ADAMTS14: variants seen among roughly 807,000 people sequenced by gnomAD.
The protein encoded by ADAMTS14 is A disintegrin and metalloproteinase with thrombospondin motifs 14.
Under a neutral mutation model 128.6 loss-of-function variants are expected in ADAMTS14, and 100 were observed. The ratio of observed to expected loss-of-function variants is 0.78; its 90% CI spans 0.66 to 0.92. The LOEUF (loss-of-function observed/expected upper bound fraction) is 0.92. Among genes scored for constraint, ADAMTS14 ranks in the 40% least tolerant of loss-of-function variants. ADAMTS14 has a pLI of 0.00. For synonymous variants in ADAMTS14, 665 were observed against 653.8 expected (o/e 1.02, Z -0.26); for missense variants, 1,562 against 1,658.6 (o/e 0.94, Z 1.01).
At chr10:70,692,285 G>A (rs1249738032) in intron 2 of ADAMTS14, among the ~76,000 whole-genome samples, 4 of 152,166 alleles carry the variant, frequency 2.6e-5, no homozygotes, top group Non-Finnish European at 5.9e-5. Flanking sequence ...GGAAGTAAAG[G>A]AAAAGACCAC....
chr10:70,725,161 C>T (rs1841387353), intron 4 of ADAMTS14, among the ~76,000 whole-genome samples: 1 of 151,986 alleles, frequency 6.6e-6, no homozygotes, highest in South Asian at 2.1e-4. Context: ...CGGAGGTGTG[C>T]TTACAGGGAA....
chr10:70,676,027 C>T (rs1168750940), intron 2 of ADAMTS14, among the ~76,000 whole-genome samples: 3 of 152,128 alleles, frequency 2.0e-5, no homozygotes, highest in African/African-American at 4.8e-5. Flanking sequence ...CTGCTGATTT[C>T]GTGGCTGCCT....
intron 4 of ADAMTS14, among the ~76,000 whole-genome samples, chr10:70,727,373 A>G (rs966112457): frequency 2.0e-5 from 3 of 152,184 alleles, no homozygotes; most frequent in Admixed American, 2.0e-4. Flanking sequence ...TAGGTTGATC[A>G]CTTTGCTTTT....
At chr10:70,753,731 G>A (rs1842407692) in intron 18 of ADAMTS14, 69 bp from the exon 19 acceptor site, 2 of 1,438,836 alleles carry the variant, frequency 1.4e-6, no homozygotes, top group Admixed American at 2.4e-5. Context: ...GCTGTCTGGG[G>A]ATAGAAAGTG....
chr10:70,678,481 G>C (rs1368977492), intron 2 of ADAMTS14, among the ~76,000 whole-genome samples: 1 of 152,100 alleles, frequency 6.6e-6, no homozygotes, highest in African/African-American at 2.4e-5. Flanking sequence ...CTGGGGTCAG[G>C]GGGTGGGGAG....
At chr10:70,718,755 C>T (rs1342051752) in intron 4 of ADAMTS14, among the ~76,000 whole-genome samples, 1 of 151,664 alleles carries the variant, frequency 6.6e-6, no homozygotes, top group Non-Finnish European at 1.5e-5. Flanking sequence ...AATCATGGCT[C>T]ACTGCAGCCT....
In ADAMTS14 at chr10:70,751,581, A is replaced by C; in HGVS notation, c.2531A>C (p.Glu844Ala). The change falls in exon 17 of 22, where the codon GAG (glutamate) becomes GCG (alanine). Residue 844 changes from glutamate (E) to alanine (A), a missense_variant. By Grantham distance (107) the Glu-to-Ala change is moderately radical. Coordinates refer to ENST00000373207, the MANE Select transcript of ADAMTS14 (RefSeq NM_080722.4). Reference sequence around the variant, plus strand: ...ATCGGGAGCAACAATGTGCTCCTGGAGGAGATGGACACCTATGAGTGGGCG... The same window carrying C: ...ATCGGGAGCAACAATGTGCTCCTGGCGGAGATGGACACCTATGAGTGGGCG... The part of the protein sequence containing the change: ...PLIGSNNVLL[E>A]EMDTYEWALK... The C allele has an allele frequency of 6.2e-7, 1 of 1,613,808 alleles. No homozygotes were observed. The highest frequency in any genetic ancestry group is 8.5e-7 in the Non-Finnish European group (1 of 1,179,774).
At chr10:70,755,306 T>G (rs1842454123) in intron 19 of ADAMTS14, among the ~76,000 whole-genome samples, 1 of 122,606 alleles carries the variant, frequency 8.2e-6, no homozygotes. Flanking sequence ...AGCAAGAGCT[T>G]GTCTCACAAA....
Position 70,734,689 on chromosome 10 carries a change from A to G in ADAMTS14, c.1353-480A>G, listed in dbSNP as rs1051835216. Among the ~76,000 whole-genome samples, 8 of 152,172 alleles carry G rather than the reference A, an allele frequency of 5.3e-5. No individual in the cohort carries two copies. In the South Asian group the frequency reaches 1.2e-3, roughly 24 times the overall value. On this transcript the variant is annotated intron_variant, in intron 8 of 21. Coordinates refer to ENST00000373207, the MANE Select transcript of ADAMTS14 (RefSeq NM_080722.4). The stretch of plus-strand genomic sequence containing the variant: ...CTTGAGGCCTGAGAATGGGAGGCCA[A>G]GTGGATTTGGATGGGGGCAGGTGGA...
intron 4 of ADAMTS14, among the ~76,000 whole-genome samples, chr10:70,726,439 A>G (rs1464033645): frequency 6.6e-6 from 1 of 152,232 alleles, no homozygotes; most frequent in East Asian, 1.9e-4. Flanking sequence ...GGCCCAGCAG[A>G]TGCCCCCGCT....
At chr10:70,723,686 G>A (rs978322425) in intron 4 of ADAMTS14, among the ~76,000 whole-genome samples, 8 of 152,192 alleles carry the variant, frequency 5.3e-5, no homozygotes, top group Non-Finnish European at 5.9e-5. Context: ...AATACCCCCA[G>A]GGTCTTGCTT....
chr10:70,687,917 A>C (rs1474667380), intron 2 of ADAMTS14, among the ~76,000 whole-genome samples: 17 of 48,086 alleles, frequency 3.5e-4, no homozygotes, highest in Admixed American at 9.2e-4. Flanking sequence ...GGGGGGGCTG[A>C]CCCCCCACCT....
intron 8 of ADAMTS14, 25 bp from the exon 9 acceptor site, chr10:70,735,144 T>C: frequency 6.3e-7 from 1 of 1,599,764 alleles, no homozygotes; most frequent in Non-Finnish European, 8.6e-7. Flanking sequence ...TCAGCCTGGC[T>C]CACCTTCCTT....
chr10:70,699,471 G>C (rs1287705547), intron 2 of ADAMTS14, among the ~76,000 whole-genome samples: 1 of 152,170 alleles, frequency 6.6e-6, no homozygotes, highest in African/African-American at 2.4e-5. Flanking sequence ...CATCTTGAGG[G>C]AGGGAGCTCT....
At chr10:70,724,910 T>C (rs922553546) in intron 4 of ADAMTS14, among the ~76,000 whole-genome samples, 6 of 152,174 alleles carry the variant, frequency 3.9e-5, no homozygotes, top group Admixed American at 1.3e-4. Context: ...GCCTCAAAAC[T>C]CTTCACTTCT....
intron 17 of ADAMTS14, 31 bp from the exon 18 acceptor site, chr10:70,752,064 C>T: frequency 6.3e-7 from 1 of 1,592,790 alleles, no homozygotes; most frequent in Non-Finnish European, 8.5e-7. Flanking sequence ...CCTGGCTGGA[C>T]TAGGCCCACG....
intron 2 of ADAMTS14, among the ~76,000 whole-genome samples, chr10:70,679,194 C>T (rs1839730520): frequency 6.6e-6 from 1 of 151,988 alleles, no homozygotes; most frequent in Non-Finnish European, 1.5e-5. Context: ...ACTGTTCAGA[C>T]ATTATAAACA....
Position 70,729,420 on chromosome 10 carries a change from T to C in ADAMTS14, c.954+43T>C, listed in dbSNP as rs1399837639. 2.6e-6 allele frequency: 4 copies of C among 1,521,572 alleles called. No homozygotes were observed. The South Asian group carries it at 4.5e-5, about 17-fold the overall frequency. The allele number at this position is 1,521,572 out of a possible 1,614,324, so 94.3% of individuals were successfully genotyped here. ...CAGGCAGGGTTTGCGGGGAGAAGGGTTGTGGGGCCAGAGTGTTGGACCAGC... is the reference window on the plus strand; with the variant it reads ...CAGGCAGGGTTTGCGGGGAGAAGGGCTGTGGGGCCAGAGTGTTGGACCAGC... On this transcript the variant is annotated intron_variant, in intron 5 of 21. Transcript: ENST00000373207.
Position 70,672,807 on chromosome 10 carries a change from C to A in ADAMTS14, c.5C>A (p.Ala2Asp). Residue 2 changes from alanine to aspartate, a missense_variant, in exon 1 of 22, where the codon GCT becomes GAT. Ala to Asp is a moderately radical substitution (Grantham distance 126, BLOSUM62 -2). Transcript: ENST00000373207. ...CCCGCGTCCCAGCGCGGCCACATGG[C>A]TCCACTCCGCGCGCTGCTGTCCTAC... MAPLRALLSYLL... is the reference protein window; with the variant it reads MDPLRALLSYLL... 6.6e-7 allele frequency: 1 copy of A among 1,510,180 alleles called. No individual in the cohort carries two copies. The highest frequency in any genetic ancestry group is 8.8e-7 in the Non-Finnish European group (1 of 1,133,534). The allele number at this position is 1,510,180 out of a possible 1,614,324, so 93.5% of individuals were successfully genotyped here. A position where few individuals can be genotyped will look rare whatever the true frequency, so the allele number is the denominator to read the frequency against.
Sources: allele counts gnomAD v4.1 joint callset (sites outside exome capture counted in the v4.1 genomes callset), GRCh38; gene constraint gnomAD v4.1.1; transcripts MANE v1.5; gene names NCBI Gene and HGNC (gene_info 2026-07-23, HGNC 2026-07-21).